Variants in TMOD3 observed in about 807,000 individuals in gnomAD.
TMOD3 encodes the protein tropomodulin 3.
TMOD3 carries 20 observed loss-of-function variants against 39.2 expected under a neutral mutation model. That is an observed-to-expected ratio of 0.51 (90% confidence interval 0.36 to 0.74). TMOD3 has a LOEUF of 0.74. Among genes scored for constraint, TMOD3 ranks in the 30% least tolerant of loss-of-function variants. The pLI is 0.00. For synonymous variants in TMOD3, 143 were observed against 145.8 expected (o/e 0.98, Z 0.14); for missense variants, 381 against 412.8 (o/e 0.92, Z 0.67).
At chr15:51,849,032 C>CT (rs1374527856) in intron 1 of TMOD3, among the ~76,000 whole-genome samples, 1 of 152,116 alleles carries the variant, frequency 6.6e-6, no homozygotes, top group East Asian at 1.9e-4. Flanking sequence ...CGATCAGCTT[C>CT]TTTCGGAAGT....
chr15:51,857,763 A>G (rs565234628), intron 1 of TMOD3, among the ~76,000 whole-genome samples: 2 of 152,226 alleles, frequency 1.3e-5, no homozygotes, highest in South Asian at 4.2e-4. Flanking sequence ...TTATCCAAAC[A>G]TTAAAAAAAA....
chr15:51,876,390 C>T (rs2056503592), intron 3 of TMOD3, among the ~76,000 whole-genome samples: 1 of 151,520 alleles, frequency 6.6e-6, no homozygotes, highest in Non-Finnish European at 1.5e-5. Flanking sequence ...AAATGCTTGG[C>T]CTCAAGCAAT....
At chr15:51,840,161 A>G (rs1038501961) in intron 1 of TMOD3, among the ~76,000 whole-genome samples, 3 of 152,142 alleles carry the variant, frequency 2.0e-5, no homozygotes, top group Admixed American at 2.0e-4. Context: ...TGAGATAAAT[A>G]TTGATAGAAG....
At chr15:51,862,165 T>G (rs1218968890) in intron 1 of TMOD3, among the ~76,000 whole-genome samples, 5 of 152,086 alleles carry the variant, frequency 3.3e-5, no homozygotes, top group Non-Finnish European at 7.4e-5. Context: ...ATGATGATGG[T>G]CCCTTCCCAC....
At chr15:51,860,076 C>T in intron 1 of TMOD3, 1 of 513,622 alleles carries the variant, frequency 1.9e-6, no homozygotes, top group Non-Finnish European at 3.9e-6. Context: ...TTCTGGCCCT[C>T]CTCTGCTTTG....
intron 1 of TMOD3, among the ~76,000 whole-genome samples, chr15:51,851,838 A>G (rs535560067): frequency 3.4e-4 from 52 of 152,224 alleles, no homozygotes; most frequent in African/African-American, 1.2e-3. Flanking sequence ...CACAGCCACA[A>G]CTCTAGGCAA....
At chr15:51,853,560 A>G (rs2056372672) in intron 1 of TMOD3, among the ~76,000 whole-genome samples, 2 of 152,118 alleles carry the variant, frequency 1.3e-5, no homozygotes, top group African/African-American at 2.4e-5. Context: ...CACTCTTACC[A>G]TTTTATGTCA....
intron 4 of TMOD3, among the ~76,000 whole-genome samples, chr15:51,888,242 A>G (rs905563119): frequency 1.5e-4 from 23 of 152,318 alleles, no homozygotes; most frequent in African/African-American, 5.5e-4. Context: ...CTCCCTACCC[A>G]TGTACAATCT....
At chr15:51,859,741 C>T (rs2056407085) in intron 1 of TMOD3, 2 of 492,848 alleles carry the variant, frequency 4.1e-6, no homozygotes, top group African/African-American at 2.0e-5. Context: ...AGTCAATCAG[C>T]ACATGCACCT....
intron 1 of TMOD3, among the ~76,000 whole-genome samples, chr15:51,849,518 T>C (rs2056351092): frequency 6.6e-6 from 1 of 151,934 alleles, no homozygotes; most frequent in Admixed American, 6.6e-5. Flanking sequence ...ATGAGGAAGA[T>C]GAGGAGGAAC....
intron 2 of TMOD3, among the ~76,000 whole-genome samples, chr15:51,866,443 G>A (rs1302831504): frequency 3.3e-5 from 5 of 151,622 alleles, no homozygotes; most frequent in Non-Finnish European, 7.4e-5. Context: ...GAGCAGTAGA[G>A]CAAGACCCTG....
At position 51,915,246 on chromosome 15, in the gene TMOD3, T is replaced by G. The variant is rs1380861085; in HGVS notation, c.*6436T>G. ...TATAGCAGTTTTTAGAAGTTTAAAT[T>G]TCACCTCTACTCAGAAAGATAAGCT... On this transcript the variant is annotated 3_prime_UTR_variant, in exon 10 of 10. Transcript: ENST00000308580. 1 of 152,162 alleles carries G rather than the reference T, an allele frequency of 6.6e-6. No individual in the cohort carries two copies. The highest frequency in any genetic ancestry group is 1.5e-5 in the Non-Finnish European group (1 of 68,036). 9.4% of individuals were successfully genotyped at this position (152,162 alleles called of 1,614,324 possible). A position where few individuals can be genotyped will look rare whatever the true frequency, so the allele number is the denominator to read the frequency against.
intron 7 of TMOD3, 125 bp from the exon 8 acceptor site, chr15:51,900,030 G>A: frequency 2.1e-6 from 2 of 969,620 alleles, no homozygotes; most frequent in Non-Finnish European, 3.0e-6. Flanking sequence ...GGGCTACTGT[G>A]TCAAACTGAA....
At chr15:51,831,076 C>T (rs1265891733) in intron 1 of TMOD3, among the ~76,000 whole-genome samples, 1 of 152,112 alleles carries the variant, frequency 6.6e-6, no homozygotes, top group Non-Finnish European at 1.5e-5. Context: ...CCCTAAATAT[C>T]TCTCGTTTTT....
At chr15:51,893,387 T>C (rs2056604476) in intron 5 of TMOD3, among the ~76,000 whole-genome samples, 1 of 151,608 alleles carries the variant, frequency 6.6e-6, no homozygotes, top group African/African-American at 2.4e-5. Flanking sequence ...ATGGAACTTT[T>C]AAATCTGTCC....
chr15:51,902,380 G>A (rs192713704), intron 9 of TMOD3, among the ~76,000 whole-genome samples: 2 of 152,304 alleles, frequency 1.3e-5, no homozygotes, highest in East Asian at 3.9e-4. Context: ...TTTTAATCAA[G>A]CGGACCCAGA....
At chr15:51,856,699 C>G (rs2056389463) in intron 1 of TMOD3, among the ~76,000 whole-genome samples, 2 of 151,958 alleles carry the variant, frequency 1.3e-5, no homozygotes, top group South Asian at 4.2e-4. Flanking sequence ...CATCATAATT[C>G]AGCAAAATGC....
Position 51,911,557 on chromosome 15 carries a change from G to A in TMOD3, c.*2747G>A, listed in dbSNP as rs1216757008. The stretch of plus-strand genomic sequence containing the variant: ...ATAAATAGATTAGGGTTTTGCAATA[G>A]TCTTAATTTTTAAGCCAAAGGTTTT... On this transcript the variant is annotated 3_prime_UTR_variant, in exon 10 of 10. Coordinates refer to ENST00000308580, the MANE Select transcript of TMOD3 (RefSeq NM_014547.5). 3.3e-5 allele frequency: 5 copies of A among 152,080 alleles called. No homozygotes were observed. Among genetic ancestry groups the A allele is most frequent in the Non-Finnish European group, 7.4e-5 (5 of 67,994 alleles). 9.4% of individuals were successfully genotyped at this position (152,080 alleles called of 1,614,324 possible).
intron 1 of TMOD3, among the ~76,000 whole-genome samples, chr15:51,852,489 TTTTGTTTTTAGCTGGGGGAG>T (rs1161372436): frequency 6.6e-6 from 1 of 152,162 alleles, no homozygotes; most frequent in African/African-American, 2.4e-5. Context: ...AGATTTTTTG[TTTTGTTTTTAGCTGGGGGAG>T]ATTAGACAGC....
Sources: allele counts gnomAD v4.1 joint callset (sites outside exome capture counted in the v4.1 genomes callset), GRCh38; gene constraint gnomAD v4.1.1; transcripts MANE v1.5; gene names NCBI Gene and HGNC (gene_info 2026-07-23, HGNC 2026-07-21).